The following SMIM35 variants were observed in gnomAD, a reference collection of about 807,000 sequenced individuals.
SMIM35 encodes the protein small integral membrane protein 35, also known as TMPRSS4 antisense RNA 1 (non-protein coding).
chr11:118,030,599 G>A (rs920325551), intron 1 of SMIM35, among the ~76,000 whole-genome samples: 4 of 152,250 alleles, frequency 2.6e-5, no homozygotes, highest in African/African-American at 4.8e-5. Flanking sequence ...AGCGTGAAGC[G>A]GGGTCCATGG....
At chr11:118,074,080 G>C (rs1591312995) in intron 1 of SMIM35, among the ~76,000 whole-genome samples, 1 of 152,142 alleles carries the variant, frequency 6.6e-6, no homozygotes. Flanking sequence ...CTTCTTGAGG[G>C]GCTTTCTTGA....
chr11:118,021,278 T>A (rs2135034839), intron 1 of SMIM35, among the ~76,000 whole-genome samples: 1 of 152,244 alleles, frequency 6.6e-6, no homozygotes, highest in South Asian at 2.1e-4. Flanking sequence ...TAAAATTGTT[T>A]TTTCTTTTTA....
chr11:118,010,522 C>A (rs199917316), intron 4 of SMIM35, among the ~76,000 whole-genome samples: 1 of 152,332 alleles, frequency 6.6e-6, no homozygotes, highest in East Asian at 1.9e-4. Context: ...TACTAAAGAC[C>A]TATGGAACAT....
intron 1 of SMIM35, among the ~76,000 whole-genome samples, chr11:118,020,103 T>C (rs1217946235): frequency 6.6e-6 from 1 of 152,060 alleles, no homozygotes; most frequent in Non-Finnish European, 1.5e-5. Context: ...CCATCTCTAC[T>C]AAAAATACAA....
chr11:118,057,860 G>A (rs549887193), intron 1 of SMIM35, among the ~76,000 whole-genome samples: 2 of 152,218 alleles, frequency 1.3e-5, no homozygotes, highest in Non-Finnish European at 2.9e-5. Context: ...GGATGGCAGC[G>A]CAGGACTGGA....
intron 1 of SMIM35, among the ~76,000 whole-genome samples, chr11:118,084,048 C>CA (rs1263521068): frequency 6.6e-6 from 1 of 152,016 alleles, no homozygotes; most frequent in Non-Finnish European, 1.5e-5. Context: ...AAAAACAAAA[C>CA]AAAAAAACAA....
intron 1 of SMIM35, among the ~76,000 whole-genome samples, chr11:118,044,637 G>A (rs1040651561): frequency 1.3e-5 from 2 of 151,922 alleles, no homozygotes; most frequent in Middle Eastern, 3.2e-3. Flanking sequence ...AGCCAGGCGT[G>A]GTGGCGGGCA....
At chr11:118,051,622 G>A (rs1044061469) in intron 1 of SMIM35, among the ~76,000 whole-genome samples, 12 of 152,250 alleles carry the variant, frequency 7.9e-5, no homozygotes, top group Admixed American at 7.8e-4. Context: ...GCCCAAGAAG[G>A]GGGTAACGGT....
At chr11:118,060,579 G>T (rs952366021) in intron 1 of SMIM35, among the ~76,000 whole-genome samples, 4 of 152,168 alleles carry the variant, frequency 2.6e-5, no homozygotes, top group Non-Finnish European at 4.4e-5. Context: ...GCTCACCTGG[G>T]AGACTGTCCT....
At chr11:118,037,975 G>A (rs1334095887) in intron 1 of SMIM35, among the ~76,000 whole-genome samples, 1 of 152,170 alleles carries the variant, frequency 6.6e-6, no homozygotes, top group Non-Finnish European at 1.5e-5. Flanking sequence ...CAGAGTTGTG[G>A]AGGACTGATG....
chr11:118,077,256 A>G lies in SMIM35; in HGVS notation c.7+9495T>C, dbSNP rs1230540788. 5.0e-6 allele frequency: 8 copies of G among 1,589,548 alleles called. No homozygotes were observed. In the African/African-American group the frequency reaches 6.7e-5, roughly 13 times the overall value. On this transcript the variant is annotated intron_variant, in intron 1 of 4. Coordinates refer to ENST00000689828, the MANE Select transcript of SMIM35 (RefSeq NM_001394165.1). ...GCCCTCCTGCTGCCTTGGGGTGACAATCTCAGCTCCAGGCTACAGGGAGAC... is the reference window on the plus strand; with the variant it reads ...GCCCTCCTGCTGCCTTGGGGTGACAGTCTCAGCTCCAGGCTACAGGGAGAC...
intron 1 of SMIM35, among the ~76,000 whole-genome samples, chr11:118,076,727 T>A (rs1210213289): frequency 1.3e-5 from 2 of 152,126 alleles, no homozygotes; most frequent in Non-Finnish European, 2.9e-5. Context: ...CTCTTTGTAC[T>A]GAGCTGCAAA....
At chr11:118,049,220 C>A (rs931208721) in intron 1 of SMIM35, among the ~76,000 whole-genome samples, 1 of 151,924 alleles carries the variant, frequency 6.6e-6, no homozygotes, top group Non-Finnish European at 1.5e-5. Flanking sequence ...TGGCCCCTGC[C>A]AAGAGTGGCC....
Position 118,049,079 on chromosome 11 carries a change from A to G in SMIM35, c.8-33270T>C, listed in dbSNP as rs996514565. On this transcript the variant is annotated intron_variant, in intron 1 of 4. Transcript: ENST00000689828. ...CACTAAACTTCCCAGGGACATTGCC[A>G]GCGTGAGCTTTAGCAGCAACGTCAG... Among the ~76,000 whole-genome samples the G allele has an allele frequency of 4.2e-4, 64 of 151,986 alleles. 1 individual carries two copies.
At chr11:118,009,011 A>G (rs2058137051) in intron 4 of SMIM35, among the ~76,000 whole-genome samples, 1 of 152,250 alleles carries the variant, frequency 6.6e-6, no homozygotes, top group African/African-American at 2.4e-5. Flanking sequence ...GCAGAGCACA[A>G]GATCCATGGG....
intron 1 of SMIM35, among the ~76,000 whole-genome samples, chr11:118,063,338 T>C (rs1443650486): frequency 6.6e-6 from 1 of 152,240 alleles, no homozygotes. Context: ...TTTCTGTTTC[T>C]TTCAGTTGAT....
At chr11:118,048,208 T>G (rs909942090) in intron 1 of SMIM35, among the ~76,000 whole-genome samples, 1 of 152,220 alleles carries the variant, frequency 6.6e-6, no homozygotes, top group Non-Finnish European at 1.5e-5. Context: ...GTAATTAATT[T>G]AAAAAAGTGA....
chr11:118,028,383 A>G (rs908671207), intron 1 of SMIM35, among the ~76,000 whole-genome samples: 2 of 152,142 alleles, frequency 1.3e-5, no homozygotes, highest in African/African-American at 4.8e-5. Flanking sequence ...GCCTGTGGGG[A>G]CTTGGGATAT....
intron 1 of SMIM35, among the ~76,000 whole-genome samples, chr11:118,021,053 T>TTTTTGTTTTGTTTTTG (rs2058225778): frequency 2.0e-5 from 3 of 150,174 alleles, no homozygotes; most frequent in Admixed American, 6.6e-5. Context: ...TAAGGTTTTT[T>TTTTTGTTTTGTTTTTG]TTTTTACTAT....
Sources: allele counts gnomAD v4.1 joint callset (sites outside exome capture counted in the v4.1 genomes callset), GRCh38; gene constraint gnomAD v4.1.1; transcripts MANE v1.5; gene names NCBI Gene and HGNC (gene_info 2026-07-23, HGNC 2026-07-21).